SATB2: variants seen among roughly 807,000 people sequenced by gnomAD.
SATB2 encodes the protein SATB homeobox 2, also known as DNA-binding protein SATB2.
SATB2 carries 1 observed loss-of-function variant against 73.4 expected under a neutral mutation model. That is an observed-to-expected ratio of 0.01 (90% CI 0.00 to 0.06). SATB2 has a LOEUF of 0.06. SATB2 is among the 10% of genes least tolerant of loss of function. The probability of loss-of-function intolerance (pLI) is 1.00; values close to 1 mark genes in which losing one functional copy is unlikely to be tolerated. For synonymous variants in SATB2, 397 were observed against 367.0 expected (o/e 1.08, Z -0.93); for missense variants, 459 against 945.8 (o/e 0.49, Z 6.75).
intron 3 of SATB2, among the ~76,000 whole-genome samples, chr2:199,400,732 C>T (rs1450694710): frequency 6.6e-6 from 1 of 152,076 alleles, no homozygotes; most frequent in Non-Finnish European, 1.5e-5. Flanking sequence ...GATGAGAACA[C>T]CAGGGGACAG....
chr2:199,437,626 T>C (rs1231949353), intron 2 of SATB2, among the ~76,000 whole-genome samples: 3 of 152,214 alleles, frequency 2.0e-5, no homozygotes, highest in African/African-American at 4.8e-5. Context: ...ATCTTACCTC[T>C]CTGAAGCTCC....
At chr2:199,440,188 A>T (rs1360512871) in intron 2 of SATB2, among the ~76,000 whole-genome samples, 1 of 152,130 alleles carries the variant, frequency 6.6e-6, no homozygotes, top group Non-Finnish European at 1.5e-5. Context: ...GGTGTTTCTC[A>T]CCTCCCTGTT....
At chr2:199,340,073 A>T (rs1688459340) in intron 7 of SATB2, among the ~76,000 whole-genome samples, 1 of 152,218 alleles carries the variant, frequency 6.6e-6, no homozygotes, top group Non-Finnish European at 1.5e-5. Flanking sequence ...GAATGTTTAT[A>T]TTTTAGCAGT....
rs896898279 is a variant in SATB2, at chr2:199,284,367, A to G, written c.1741-11695T>C. 2.0e-5 allele frequency among the ~76,000 whole-genome samples: 3 copies of G among 152,358 alleles called. No homozygotes were observed. In the East Asian group the frequency reaches 5.8e-4, roughly 29 times the overall value. On this transcript the variant is annotated intron_variant, in intron 10 of 10. Transcript: ENST00000417098. ...AAAAGTATGAAAAGTTCATCAATAT[A>G]GTTTTAGATTCAATTCCACTTTGCA...
chr2:199,442,902 T>C (rs1456225228), intron 2 of SATB2, among the ~76,000 whole-genome samples: 3 of 152,178 alleles, frequency 2.0e-5, no homozygotes, highest in Non-Finnish European at 2.9e-5. Flanking sequence ...AGGTTAAAAA[T>C]GCATATATGT....
chr2:199,300,135 T>C (rs1687237293), intron 10 of SATB2, among the ~76,000 whole-genome samples: 1 of 151,792 alleles, frequency 6.6e-6, no homozygotes, highest in Non-Finnish European at 1.5e-5. Context: ...AAAGAGTGTT[T>C]CATATTTTAT....
At chr2:199,369,428 G>A (rs1410144731) in intron 5 of SATB2, among the ~76,000 whole-genome samples, 1 of 152,080 alleles carries the variant, frequency 6.6e-6, no homozygotes, top group Non-Finnish European at 1.5e-5. Flanking sequence ...ACATAGCACT[G>A]AAAAGTTAAA....
At chr2:199,357,046 A>G (rs936122295) in intron 6 of SATB2, among the ~76,000 whole-genome samples, 1 of 152,186 alleles carries the variant, frequency 6.6e-6, no homozygotes, top group Non-Finnish European at 1.5e-5. Flanking sequence ...TGTTAATGGA[A>G]GATTCTGAAT....
chr2:199,332,764 C>T (rs554753128), intron 7 of SATB2, among the ~76,000 whole-genome samples: 13 of 152,084 alleles, frequency 8.5e-5, no homozygotes, highest in Non-Finnish European at 1.6e-4. Flanking sequence ...TTAGCATGTA[C>T]AATATATGCT....
At chr2:199,327,163 G>T (rs13023773) in intron 8 of SATB2, among the ~76,000 whole-genome samples, 119,832 of 152,106 alleles carry the variant, frequency 0.79, 48,894 homozygotes, top group Non-Finnish European at 0.89. Flanking sequence ...CATTAGGTCG[G>T]GCACGGTGGC....
At chr2:199,319,575 G>T (rs945625043) in intron 9 of SATB2, among the ~76,000 whole-genome samples, 3 of 152,002 alleles carry the variant, frequency 2.0e-5, no homozygotes, top group Non-Finnish European at 4.4e-5. Context: ...CCCTTCGGAA[G>T]TTTTTGTTCA....
chr2:199,302,857 T>G (rs1040758961), intron 10 of SATB2, among the ~76,000 whole-genome samples: 1 of 152,170 alleles, frequency 6.6e-6, no homozygotes, highest in Non-Finnish European at 1.5e-5. Context: ...CACTTGAACA[T>G]TAGCGATAAG....
chr2:199,413,435 A>T (rs1048227626), intron 3 of SATB2, among the ~76,000 whole-genome samples: 4 of 152,170 alleles, frequency 2.6e-5, no homozygotes, highest in African/African-American at 7.2e-5. Context: ...CTCTGAATCT[A>T]ATCAGGACTC....
intron 3 of SATB2, among the ~76,000 whole-genome samples, chr2:199,418,711 TG>T (rs1691073495): frequency 6.6e-6 from 1 of 152,178 alleles, no homozygotes; most frequent in Non-Finnish European, 1.5e-5. Flanking sequence ...TAATAGAAAA[TG>T]TACCCAAAAA....
At chr2:199,448,256 G>T (rs1235016687) in intron 2 of SATB2, among the ~76,000 whole-genome samples, 2 of 151,978 alleles carry the variant, frequency 1.3e-5, no homozygotes. Context: ...TGCAATAAAA[G>T]TACTCAATTT....
chr2:199,294,230 A>G (rs992472747), intron 10 of SATB2, among the ~76,000 whole-genome samples: 8 of 152,144 alleles, frequency 5.3e-5, no homozygotes, highest in African/African-American at 1.9e-4. Context: ...ATAAAGTACT[A>G]CTCTGCTTCA....
chr2:199,278,544 T>C (rs1692387258), intron 10 of SATB2, among the ~76,000 whole-genome samples: 1 of 151,926 alleles, frequency 6.6e-6, no homozygotes, highest in South Asian at 2.1e-4. Flanking sequence ...GAGCATGGAG[T>C]GCTTGGCATT....
chr2:199,462,803 T>C (rs1399426499), upstream of SATB2, among the ~76,000 whole-genome samples: 1 of 149,648 alleles, frequency 6.7e-6, no homozygotes, highest in Non-Finnish European at 1.5e-5. This position sits in a 1 kb window ranked among gnomAD's most constrained non-coding sequence, Gnocchi z 5.9. Context: ...TGGGGAAGGA[T>C]GGTGGGCAAC....
intron 7 of SATB2, among the ~76,000 whole-genome samples, chr2:199,339,042 G>C (rs979354738): frequency 6.6e-6 from 1 of 151,910 alleles, no homozygotes; most frequent in Non-Finnish European, 1.5e-5. Flanking sequence ...TTACATACAA[G>C]TCTCTACTTC....
Sources: gnomAD v4.1 joint callset for allele counts (sites outside exome capture counted in the v4.1 genomes callset) on GRCh38, gnomAD v4.1.1 for gene constraint, Gnocchi (gnomAD v3.1) non-coding constraint, MANE v1.5 for transcripts, NCBI Gene and HGNC (gene_info 2026-07-23, HGNC 2026-07-21) for gene names.